The following MYOM1 variants were observed in gnomAD, a reference collection of about 807,000 sequenced individuals.
MYOM1 encodes myomesin 1, also known as myomesin-1.
A neutral mutation model predicts 205.3 loss-of-function variants in MYOM1; 164 were observed. The ratio of observed to expected loss-of-function variants is 0.80; its 90% CI spans 0.70 to 0.91. The LOEUF is 0.91. MYOM1 is among the 40% of genes least tolerant of loss of function. MYOM1 has a pLI of 0.00. For synonymous variants in MYOM1, 772 were observed against 789.4 expected (o/e 0.98, Z 0.37); for missense variants, 2,011 against 2,127.3 (o/e 0.95, Z 1.08).
At chr18:3,112,502 T>C in intron 21 of MYOM1, 90 bp from the exon 22 acceptor site, 1 of 963,232 alleles carries the variant, frequency 1.0e-6, no homozygotes. Context: ...TCCTCTGTAG[T>C]AATGATTTAG....
chr18:3,079,464 A>G (rs2079059877), intron 33 of MYOM1, 122 bp from the exon 34 acceptor site: 1 of 1,100,850 alleles, frequency 9.1e-7, no homozygotes, highest in South Asian at 1.8e-5. Context: ...AGGGATCTGC[A>G]TATGTTATTC....
intron 2 of MYOM1, among the ~76,000 whole-genome samples, chr18:3,199,441 G>A (rs1003913004): frequency 3.3e-5 from 5 of 152,202 alleles, no homozygotes; most frequent in African/African-American, 1.2e-4. Flanking sequence ...AAAAATTGGA[G>A]AGGGCCAAGT....
At position 3,151,637 on chromosome 18, in the gene MYOM1, T is replaced by C. The variant is rs192932867; in HGVS notation, c.1843+57A>G. The C allele has an allele frequency of 3.4e-6, 5 of 1,470,880 alleles. No homozygotes were observed. In the Admixed American group the frequency reaches 8.1e-5, roughly 24 times the overall value. 91.1% of individuals were successfully genotyped at this position (1,470,880 alleles called of 1,614,324 possible). ...GAAACAACCTTGCAATGAAGCTGAT[T>C]CTTGCAGTCATTTTAAAAAGGTTTA... On this transcript the variant is annotated intron_variant, in intron 12 of 37. Coordinates refer to ENST00000356443, the MANE Select transcript of MYOM1 (RefSeq NM_003803.4).
At chr18:3,243,033 C>T in the MYOM1 span, among the ~76,000 whole-genome samples, 5 of 152,220 alleles carry the variant, frequency 3.3e-5, no homozygotes, top group South Asian at 1.0e-3. Context: ...TTCAATTTCA[C>T]ATAATTTTTT....
the MYOM1 span, among the ~76,000 whole-genome samples, chr18:3,240,708 T>C: frequency 6.6e-6 from 1 of 152,168 alleles, no homozygotes. Context: ...TGTAACTAGG[T>C]AACACACAGA....
upstream of MYOM1, among the ~76,000 whole-genome samples, chr18:3,223,925 C>T (rs9951046): frequency 2.6e-5 from 4 of 151,860 alleles, no homozygotes; most frequent in South Asian, 4.1e-4. Flanking sequence ...GGTGAGGGTG[C>T]GAGTGGCTGG....
At chr18:3,193,357 T>TAC (rs1367330529) in intron 3 of MYOM1, among the ~76,000 whole-genome samples, 3,195 of 102,536 alleles carry the variant, frequency 0.031, 172 homozygotes, top group African/African-American at 0.092. Flanking sequence ...CATATATATA[T>TAC]ATATACACAC....
the MYOM1 span, among the ~76,000 whole-genome samples, chr18:3,242,381 T>C: frequency 6.6e-6 from 1 of 152,218 alleles, no homozygotes; most frequent in Non-Finnish European, 1.5e-5. Context: ...TTTCCCTGCA[T>C]AAGCTCTTCT....
chr18:3,073,874 G>A (rs769186170), intron 36 of MYOM1, among the ~76,000 whole-genome samples: 5 of 152,138 alleles, frequency 3.3e-5, no homozygotes, highest in East Asian at 1.9e-4. Flanking sequence ...TCTCTTTGCC[G>A]AGAGTTTTCC....
Position 3,152,829 on chromosome 18 carries a change from G to A in MYOM1, c.1644-936C>T, listed in dbSNP as rs184822156. On this transcript the variant is annotated intron_variant, in intron 11 of 37. Coordinates refer to ENST00000356443, the MANE Select transcript of MYOM1 (RefSeq NM_003803.4). The surrounding 1 kb of genome is among the most constrained non-coding windows in gnomAD (Gnocchi z 4.3). ...AGGACAGAGGTGGCTGGTGTGGGGGGTGTATCTCCCCTCCTCACAATCACC... is the reference window on the plus strand; with the variant it reads ...AGGACAGAGGTGGCTGGTGTGGGGGATGTATCTCCCCTCCTCACAATCACC... Among the ~76,000 whole-genome samples the A allele has an allele frequency of 2.9e-3, 444 of 152,268 alleles. 7 individuals carry two copies. The highest frequency in any genetic ancestry group is 6.0e-3 in the East Asian group (31 of 5,186).
intron 14 of MYOM1, among the ~76,000 whole-genome samples, chr18:3,136,194 T>C (rs189731292): frequency 7.2e-5 from 11 of 152,298 alleles, no homozygotes; most frequent in Admixed American, 1.3e-4. Flanking sequence ...CCCAGCCACA[T>C]GGAACTGTGA....
chr18:3,127,304 TA>T (rs1403205637), intron 18 of MYOM1, among the ~76,000 whole-genome samples: 2,439 of 52,498 alleles, frequency 0.046, 22 homozygotes, highest in South Asian at 0.079. Context: ...TATATATATA[TA>T]TTTTTTTTTT....
chr18:3,080,482 T>G (rs1255478102), intron 33 of MYOM1, among the ~76,000 whole-genome samples: 1 of 152,044 alleles, frequency 6.6e-6, no homozygotes, highest in Non-Finnish European at 1.5e-5. Context: ...CAGACCAGCC[T>G]GGCCAACATG....
chr18:3,086,388 G>A (rs1305187859), intron 29 of MYOM1, among the ~76,000 whole-genome samples: 1 of 151,602 alleles, frequency 6.6e-6, no homozygotes, highest in African/African-American at 2.4e-5. Flanking sequence ...AGTGAAAATT[G>A]ACTCTAAAAT....
In MYOM1 at chr18:3,188,966, T is replaced by C; in HGVS notation, c.553A>G (p.Thr185Ala). ...GATGCCGTGGTCTGCTTGGATGCCG[T>C]GGACTGTTTAGATGTTGTGATTCCT... is the stretch of plus-strand genomic sequence containing the variant. ...EEGITTSKQS[T>A]ASKQTTASKQ... The change falls in exon 4 of 38, where the codon ACG becomes GCG. Residue 185 changes from threonine to alanine, a missense_variant. By Grantham distance (58) the Thr-to-Ala change is moderately conservative. Transcript: ENST00000356443. 6.2e-7 allele frequency: 1 copy of C among 1,613,238 alleles called. No homozygotes were observed. The highest frequency in any genetic ancestry group is 8.5e-7 in the Non-Finnish European group (1 of 1,179,788).
intron 26 of MYOM1, among the ~76,000 whole-genome samples, chr18:3,091,726 ATTATTTAT>A (rs141197978): frequency 6.6e-6 from 1 of 151,456 alleles, no homozygotes; most frequent in Admixed American, 6.6e-5. Flanking sequence ...TCCAGATTAC[ATTATTTAT>A]TTATTTATTT....
intron 2 of MYOM1, among the ~76,000 whole-genome samples, chr18:3,194,944 C>T (rs1026241255): frequency 5.3e-5 from 8 of 151,770 alleles, no homozygotes; most frequent in African/African-American, 1.9e-4. Flanking sequence ...TTTAAGAGCC[C>T]CCGTCTAGAG....
At chr18:3,101,404 T>C (rs1686936054) in intron 23 of MYOM1, among the ~76,000 whole-genome samples, 1 of 152,220 alleles carries the variant, frequency 6.6e-6, no homozygotes, top group Admixed American at 6.5e-5. Context: ...AATCTTGGCG[T>C]TGAAAGGCAA....
At position 3,089,779 on chromosome 18, in the gene MYOM1, T is replaced by C. The variant is rs1243542026; in HGVS notation, c.4010-183A>G. Among the ~76,000 whole-genome samples the C allele has an allele frequency of 4.6e-5, 7 of 152,288 alleles. No individual in the cohort carries two copies. In the South Asian group the frequency reaches 6.2e-4, roughly 14 times the overall value. ...GGAAGGTTAAATAAATTGTACAAGGTCATAAAGCTAGGAAACAGTGACATA... is the reference window on the plus strand; with the variant it reads ...GGAAGGTTAAATAAATTGTACAAGGCCATAAAGCTAGGAAACAGTGACATA... On this transcript the variant is annotated intron_variant, in intron 27 of 37. Transcript: ENST00000356443.
Sources: allele counts gnomAD v4.1 joint callset (sites outside exome capture counted in the v4.1 genomes callset), GRCh38; gene constraint gnomAD v4.1.1; non-coding constraint Gnocchi (gnomAD v3.1); transcripts MANE v1.5; gene names NCBI Gene and HGNC (gene_info 2026-07-23, HGNC 2026-07-21).